The following MROH9 variants were observed in gnomAD, a reference collection of about 807,000 sequenced individuals.
The protein encoded by MROH9 is maestro heat-like repeat-containing protein family member 9.
A neutral mutation model predicts 98.2 loss-of-function variants in MROH9; 92 were observed. The observed-to-expected ratio is 0.94, with a 90% confidence interval of 0.79 to 1.11. The LOEUF (loss-of-function observed/expected upper bound fraction) is 1.11. Among genes scored for constraint, MROH9 ranks in the 50% most tolerant of loss-of-function variants. The probability of loss-of-function intolerance (pLI) is 0.00; values close to 1 mark genes in which losing one functional copy is unlikely to be tolerated. For missense variants in MROH9, 1,057 were observed against 1,014.8 expected, an observed-to-expected ratio of 1.04 and a Z score of -0.57; for synonymous variants, 397 against 368.9, an observed-to-expected ratio of 1.08 and a Z score of -0.87.
chr1:171,031,657 T>C (rs910788695), intron 20 of MROH9, among the ~76,000 whole-genome samples: 12 of 152,200 alleles, frequency 7.9e-5, no homozygotes, highest in Non-Finnish European at 1.3e-4. Flanking sequence ...CTTTTAGTCT[T>C]ATGGGCTTCT....
chr1:171,036,925 A>G (rs1440527069), intron 20 of MROH9, among the ~76,000 whole-genome samples: 4 of 151,842 alleles, frequency 2.6e-5, no homozygotes, highest in Non-Finnish European at 5.9e-5. Context: ...GGAAAACAGT[A>G]AGAAAAATCA....
intron 8 of MROH9, among the ~76,000 whole-genome samples, chr1:170,973,729 G>A (rs1010245442): frequency 1.3e-5 from 2 of 152,070 alleles, no homozygotes; most frequent in Admixed American, 1.3e-4. Flanking sequence ...TACAAAATTA[G>A]CTGAGCATGG....
chr1:171,002,227 G>T (rs1177183973), intron 15 of MROH9, among the ~76,000 whole-genome samples: 1 of 152,120 alleles, frequency 6.6e-6, no homozygotes, highest in Non-Finnish European at 1.5e-5. Flanking sequence ...GGAGTGTTTA[G>T]ACCATTTACA....
intron 20 of MROH9, among the ~76,000 whole-genome samples, chr1:171,041,408 TACACACACACACACAC>T (rs137951871): frequency 1.5e-4 from 15 of 103,040 alleles, no homozygotes; most frequent in African/African-American, 4.5e-4. Context: ...TCAAGATACA[TACACACACACACACAC>T]ACACACACAC....
At chr1:170,979,257 G>T (rs112491323) in intron 8 of MROH9, among the ~76,000 whole-genome samples, 159 of 152,216 alleles carry the variant, frequency 1.0e-3, no homozygotes, top group African/African-American at 3.7e-3. Flanking sequence ...GCACTTAATG[G>T]TGAAATACTG....
At chr1:170,978,393 G>A (rs1451894923) in intron 8 of MROH9, among the ~76,000 whole-genome samples, 1 of 152,172 alleles carries the variant, frequency 6.6e-6, no homozygotes, top group East Asian at 1.9e-4. Context: ...TCTCCCCAGG[G>A]AGACTCCAGC....
At position 170,971,733 on chromosome 1, in the gene MROH9, T is replaced by C. The variant is rs1286630214; in HGVS notation, c.481-15T>C. ...ATGCATAGCAAATGCATGTTCTCCT[T>C]TGTTTCTCCATTAGATAAGTGTTGA... On this transcript the variant is annotated splice_polypyrimidine_tract_variant and intron_variant, in intron 7 of 21. Coordinates refer to ENST00000367759, the MANE Select transcript of MROH9 (RefSeq NM_001163629.2). 5 of 1,613,518 alleles carry C rather than the reference T, an allele frequency of 3.1e-6. No individual in the cohort carries two copies. Among genetic ancestry groups the C allele is most frequent in the Non-Finnish European group, 4.2e-6 (5 of 1,179,624 alleles).
chr1:170,992,410 C>T lies in MROH9; in HGVS notation c.1194+81C>T, dbSNP rs753203417. ...ATCCCTATCTGCCCACAGACTCAAT[C>T]ATACTTTCTTAACACAGTCCTCTTC... On this transcript the variant is annotated intron_variant, in intron 12 of 21. Transcript: ENST00000367759. 3.5e-6 allele frequency: 5 copies of T among 1,429,714 alleles called. No homozygotes were observed. The South Asian group carries it at 5.4e-5, about 15-fold the overall frequency. 88.6% of individuals were successfully genotyped at this position (1,429,714 alleles called of 1,614,324 possible).
intron 20 of MROH9, among the ~76,000 whole-genome samples, chr1:171,060,369 A>G (rs1268861823): frequency 6.6e-6 from 1 of 152,192 alleles, no homozygotes; most frequent in Non-Finnish European, 1.5e-5. Flanking sequence ...ATTGATCTGT[A>G]TAGATTCAAT....
intron 20 of MROH9, among the ~76,000 whole-genome samples, chr1:171,061,401 T>C (rs543385439): frequency 8.5e-5 from 13 of 152,272 alleles, no homozygotes; most frequent in Admixed American, 2.0e-4. Context: ...CCAAAATTCA[T>C]GTACAAGAAT....
intron 16 of MROH9, 123 bp downstream of exon 16, chr1:171,014,377 T>C: frequency 2.4e-6 from 2 of 822,528 alleles, no homozygotes; most frequent in Non-Finnish European, 3.5e-6. Flanking sequence ...CTAAAACATA[T>C]CAAAGCCTGC....
At chr1:170,953,320 T>G (rs1218917379) in intron 3 of MROH9, among the ~76,000 whole-genome samples, 4 of 152,078 alleles carry the variant, frequency 2.6e-5, no homozygotes, top group Non-Finnish European at 5.9e-5. Flanking sequence ...ACGGTATCTT[T>G]TGAAGAGCAA....
At chr1:171,001,006 C>A (rs111912234) in intron 15 of MROH9, among the ~76,000 whole-genome samples, 2 of 152,022 alleles carry the variant, frequency 1.3e-5, no homozygotes, top group Non-Finnish European at 2.9e-5. Context: ...ATCTTTTCTA[C>A]ATTTTCTAGT....
chr1:171,064,275 T>C lies in MROH9; in HGVS notation c.2521T>C (p.Ser841Pro). 1 of 1,551,202 alleles carries C rather than the reference T, an allele frequency of 6.4e-7. No individual in the cohort carries two copies. The highest frequency in any genetic ancestry group is 1.4e-5 in the African/African-American group (1 of 73,094). Residue 841 changes from serine to proline, a missense_variant, in exon 22 of 22, where the codon TCA (serine) becomes CCA (proline). By Grantham distance (74) the Ser-to-Pro change is moderately conservative (BLOSUM62 -1). Transcript: ENST00000367759. The stretch of plus-strand genomic sequence containing the variant: ...ATTGAAGCCTCTTTACAATTATAAC[T>C]CACCCAATGGCCAGATAGACAGTCC... ...KKLKPLYNYNSPNGQIDSPTD... is the reference protein window; with the variant it reads ...KKLKPLYNYNPPNGQIDSPTD...
intron 3 of MROH9, among the ~76,000 whole-genome samples, 173 bp from the exon 4 acceptor site, chr1:170,958,288 G>A (rs1438917440): frequency 1.3e-5 from 2 of 152,206 alleles, no homozygotes; most frequent in Non-Finnish European, 2.9e-5. Context: ...TACTATTGTA[G>A]ATTTAAATTA....
intron 10 of MROH9, among the ~76,000 whole-genome samples, chr1:170,988,964 A>C (rs1429627816): frequency 1.3e-5 from 2 of 152,178 alleles, no homozygotes; most frequent in Non-Finnish European, 2.9e-5. Context: ...GTAGTTTGAT[A>C]TCTCTCATTT....
At chr1:171,021,843 AATCTACCC>A (rs1220724939) in intron 17 of MROH9, among the ~76,000 whole-genome samples, 2 of 152,144 alleles carry the variant, frequency 1.3e-5, no homozygotes, top group African/African-American at 2.4e-5. Flanking sequence ...AAATTTTTGC[AATCTACCC>A]ATCTGACAAA....
Position 170,992,275 on chromosome 1 carries a change from C to T in MROH9, c.1140C>T (p.Thr380=), listed in dbSNP as rs769767606. 46 of 1,613,350 alleles carry T rather than the reference C, an allele frequency of 2.9e-5. No homozygotes were observed. Among genetic ancestry groups the T allele is most frequent in the Admixed American group, 5.0e-5 (3 of 59,912 alleles). The change falls in exon 12 of 22, where the codon ACC becomes ACT. Residue 380 remains threonine (T), a synonymous_variant. Coordinates refer to ENST00000367759, the MANE Select transcript of MROH9 (RefSeq NM_001163629.2). Reference sequence around the variant, plus strand: ...GAAAGCCTGGGGAAATGGAGGACACCGTAACGGAAGGGAAACGTTTCTCTC... The same window carrying T: ...GAAAGCCTGGGGAAATGGAGGACACTGTAACGGAAGGGAAACGTTTCTCTC... The part of the protein sequence containing the change: ...LKGKPGEMED[T]VTEGKRFSLD...
At position 170,997,436 on chromosome 1, in the gene MROH9, C is replaced by T. The variant is rs80082674; in HGVS notation, c.1476-718C>T. ...CCACAGACAAGCAGCAACAGCATCA[C>T]CTGAGAGTTAAAAATTCAGAATCTC... On this transcript the variant is annotated intron_variant, in intron 14 of 21. Coordinates refer to ENST00000367759, the MANE Select transcript of MROH9 (RefSeq NM_001163629.2). Among the ~76,000 whole-genome samples the T allele has an allele frequency of 6.9e-3, 1,047 of 152,216 alleles. 13 individuals are homozygous for T. Among genetic ancestry groups the T allele is most frequent in the African/African-American group, 0.023 (969 of 41,522 alleles).
Sources: gnomAD v4.1 joint callset for allele counts (sites outside exome capture counted in the v4.1 genomes callset) on GRCh38, gnomAD v4.1.1 for gene constraint, MANE v1.5 for transcripts, NCBI Gene and HGNC (gene_info 2026-07-23, HGNC 2026-07-21) for gene names.